Variants in PYM1 observed in about 807,000 individuals in gnomAD.
PYM1 encodes the protein partner of Y14 and mago.
PYM1 carries 7 observed loss-of-function variants against 20.7 expected under a neutral mutation model. That is an observed-to-expected ratio of 0.34 (90% CI 0.19 to 0.64). PYM1 has a LOEUF of 0.64. PYM1 is among the 30% of genes least tolerant of loss of function. The pLI is 0.74. For synonymous variants in PYM1, 100 were observed against 99.2 expected (o/e 1.01, Z -0.05); for missense variants, 194 against 250.0 (o/e 0.78, Z 1.51).
At chr12:55,914,424 G>A (rs569714729) in intron 1 of PYM1, 12 of 694,484 alleles carry the variant, frequency 1.7e-5, no homozygotes, top group Middle Eastern at 2.4e-4. Flanking sequence ...CTTGCAGAGA[G>A]TCAAAAACTA....
intron 1 of PYM1, among the ~76,000 whole-genome samples, chr12:55,924,152 G>C (rs1162251454): frequency 6.6e-6 from 1 of 151,912 alleles, no homozygotes; most frequent in Non-Finnish European, 1.5e-5. Flanking sequence ...AACAGAAATA[G>C]TGATGGAAAA....
At chr12:55,923,521 C>T (rs1365294611) in intron 1 of PYM1, among the ~76,000 whole-genome samples, 1 of 149,750 alleles carries the variant, frequency 6.7e-6, no homozygotes, top group Non-Finnish European at 1.5e-5. Context: ...ATGGTGATTG[C>T]ACCACTGCAC....
At chr12:55,922,973 C>A (rs1883125659) in intron 1 of PYM1, among the ~76,000 whole-genome samples, 1 of 152,156 alleles carries the variant, frequency 6.6e-6, no homozygotes, top group Admixed American at 6.5e-5. Context: ...CACCTGTAAT[C>A]CCAGCACTTT....
chr12:55,924,206 A>AT (rs1403057168), intron 1 of PYM1, among the ~76,000 whole-genome samples: 1 of 152,216 alleles, frequency 6.6e-6, no homozygotes, highest in East Asian at 1.9e-4. Flanking sequence ...GTATAACAGT[A>AT]TATCCAAGAG....
chr12:55,927,712 G>A lies in PYM1; in HGVS notation c.37+13C>T, dbSNP rs552382120. On this transcript the variant is annotated intron_variant, in intron 1 of 2. Coordinates refer to ENST00000408946, the MANE Select transcript of PYM1 (RefSeq NM_032345.3). ...AGGGGCGTGCAAGGCGGAGGGCGCC[G>A]CGGGTCGGTCACCTGTCTCCGTAGC... 2.5e-5 allele frequency: 39 copies of A among 1,539,476 alleles called. No homozygotes were observed. The Middle Eastern group carries it at 6.9e-4, about 27-fold the overall frequency.
intron 1 of PYM1, among the ~76,000 whole-genome samples, chr12:55,913,102 T>C (rs955086996): frequency 2.0e-5 from 3 of 152,206 alleles, no homozygotes; most frequent in Admixed American, 6.5e-5. Context: ...TCATTCCCAT[T>C]GGTCTTTAAA....
At chr12:55,918,407 T>C (rs1479778328) in intron 1 of PYM1, among the ~76,000 whole-genome samples, 1 of 150,714 alleles carries the variant, frequency 6.6e-6, no homozygotes, top group African/African-American at 2.4e-5. Flanking sequence ...ACCACAAACC[T>C]GCACATTTTC....
chr12:55,923,235 T>C (rs116856655), intron 1 of PYM1, among the ~76,000 whole-genome samples: 4,885 of 149,980 alleles, frequency 0.033, 118 homozygotes, highest in Non-Finnish European at 0.05. Context: ...AAAAAAATAG[T>C]AATAAATAAA....
intron 1 of PYM1, among the ~76,000 whole-genome samples, chr12:55,918,797 GGCAGAGGTC>G (rs2136267352): frequency 6.6e-6 from 1 of 152,302 alleles, no homozygotes; most frequent in Admixed American, 6.5e-5. Flanking sequence ...GAACCTGAGA[GGCAGAGGTC>G]GCACTGAGCC....
At chr12:55,907,463 CAAAAAAAA>C (rs770960966) in intron 1 of PYM1, among the ~76,000 whole-genome samples, 25 of 51,988 alleles carry the variant, frequency 4.8e-4, no homozygotes, top group Non-Finnish European at 6.5e-4. Flanking sequence ...TACATAAATA[CAAAAAAAA>C]AAAAAAAAAA....
At chr12:55,923,362 T>C (rs889809458) in intron 1 of PYM1, among the ~76,000 whole-genome samples, 1 of 151,836 alleles carries the variant, frequency 6.6e-6, no homozygotes, top group African/African-American at 2.4e-5. Flanking sequence ...GCCCAGGAAT[T>C]TGAGATCAGA....
intron 1 of PYM1, among the ~76,000 whole-genome samples, chr12:55,923,797 G>A (rs1883140697): frequency 6.6e-6 from 1 of 151,938 alleles, no homozygotes; most frequent in African/African-American, 2.4e-5. Context: ...AAAAGAAATG[G>A]CTAGGCGTGG....
chr12:55,907,105 T>TAA (rs1334844865), intron 1 of PYM1, among the ~76,000 whole-genome samples: 2 of 151,380 alleles, frequency 1.3e-5, no homozygotes, highest in Non-Finnish European at 2.9e-5. Context: ...AACATATATA[T>TAA]ATATATATAT....
chr12:55,902,499 ATAGAGT>A (rs1882712174), intron 2 of PYM1, 144 bp from the exon 3 acceptor site: 1 of 1,245,530 alleles, frequency 8.0e-7, no homozygotes, highest in South Asian at 1.6e-5. Flanking sequence ...GTTTTTTGAG[ATAGAGT>A]CTCGCTCAGT....
chr12:55,913,965 C>T (rs1187618592), intron 1 of PYM1: 3 of 218,466 alleles, frequency 1.4e-5, no homozygotes, highest in Non-Finnish European at 2.7e-5. Context: ...CAAACAAGAA[C>T]ACAACTATTT....
At chr12:55,904,333 C>T (rs1882750117) in intron 1 of PYM1, among the ~76,000 whole-genome samples, 1 of 151,128 alleles carries the variant, frequency 6.6e-6, no homozygotes, top group Non-Finnish European at 1.5e-5. Flanking sequence ...GTGGCTCATG[C>T]CTATAATCCC....
intron 1 of PYM1, among the ~76,000 whole-genome samples, chr12:55,911,304 GT>G (rs1176417994): frequency 8.6e-5 from 13 of 151,580 alleles, no homozygotes; most frequent in African/African-American, 2.9e-4. Flanking sequence ...TAGAGATGGG[GT>G]TTTGCCATGT....
intron 1 of PYM1, chr12:55,927,004 A>G (rs1883201404): frequency 7.0e-7 from 1 of 1,436,080 alleles, no homozygotes; most frequent in East Asian, 2.5e-5. Context: ...GGCGGGGCAC[A>G]GACCCCTTTC....
rs369071683 is a variant in PYM1, at chr12:55,902,186, G to C, written c.301C>G (p.Gln101Glu). ...AAGGCCTCTGCCTCTCCTTTCTCTT[G>C]CTGCTGCCGCCTCTTCTCCTTTCGC... ...LKRKEKRRQQ[Q>E]EKGEAEALSR... Residue 101 changes from glutamine (Q) to glutamate (E), a missense_variant, in exon 3 of 3, where the codon CAA becomes GAA. By Grantham distance (29) the Gln-to-Glu change is conservative (BLOSUM62 2). Transcript: ENST00000408946. The C allele has an allele frequency of 1.5e-5, 25 of 1,613,914 alleles. No individual in the cohort carries two copies. Among genetic ancestry groups the C allele is most frequent in the Non-Finnish European group, 1.9e-5 (23 of 1,180,028 alleles).
Sources: gnomAD v4.1 joint callset for allele counts (sites outside exome capture counted in the v4.1 genomes callset) on GRCh38, gnomAD v4.1.1 for gene constraint, MANE v1.5 for transcripts, NCBI Gene and HGNC (gene_info 2026-07-23, HGNC 2026-07-21) for gene names.